EIF4G3: variants seen among roughly 807,000 people sequenced by gnomAD.
EIF4G3 encodes the protein eIF-4-gamma 3.
In EIF4G3, 34 loss-of-function variants were observed where a neutral mutation model predicts 186.4. That is an observed-to-expected ratio of 0.18 (90% CI 0.14 to 0.24). The LOEUF is 0.24. EIF4G3 is among the 10% of genes least tolerant of loss of function. The probability of loss-of-function intolerance (pLI) is 1.00; values close to 1 mark genes in which losing one functional copy is unlikely to be tolerated. For synonymous variants in EIF4G3, 673 were observed against 679.5 expected, an observed-to-expected ratio of 0.99 and a Z score of 0.15; for missense variants, 1,536 against 1,948.5, an observed-to-expected ratio of 0.79 and a Z score of 3.99.
chr1:20,811,021 C>T (rs2059130223), intron 35 of EIF4G3, 137 bp from the exon 36 acceptor site: 1 of 757,392 alleles, frequency 1.3e-6, no homozygotes, highest in African/African-American at 1.8e-5. Flanking sequence ...ACAATCTAAG[C>T]TCACTGCAAC....
chr1:20,993,944 T>C (rs762437215), intron 7 of EIF4G3, among the ~76,000 whole-genome samples: 1 of 152,238 alleles, frequency 6.6e-6, no homozygotes, highest in Non-Finnish European at 1.5e-5. Flanking sequence ...TGTAAATCTT[T>C]CAGGGTTTAG....
chr1:21,079,866 C>T (rs2095710993), intron 3 of EIF4G3, among the ~76,000 whole-genome samples: 1 of 151,498 alleles, frequency 6.6e-6, no homozygotes, highest in South Asian at 2.1e-4. Context: ...ATTAGCCAGG[C>T]ATGGCCCGGG....
At chr1:20,949,968 A>G (rs1288887926) in intron 13 of EIF4G3, 35 bp downstream of exon 13, 3 of 1,541,296 alleles carry the variant, frequency 1.9e-6, no homozygotes, top group Non-Finnish European at 2.7e-6. Context: ...AAAAGAGACT[A>G]AAGATAAGAG....
intron 2 of EIF4G3, among the ~76,000 whole-genome samples, chr1:21,115,488 T>G (rs2096800858): frequency 6.6e-6 from 1 of 152,192 alleles, no homozygotes; most frequent in Non-Finnish European, 1.5e-5. Flanking sequence ...TGCCAAAAGC[T>G]TTGCTTCATT....
intron 2 of EIF4G3, among the ~76,000 whole-genome samples, chr1:21,168,516 G>A (rs376701183): frequency 3.9e-5 from 6 of 151,938 alleles, no homozygotes; most frequent in African/African-American, 9.7e-5. Flanking sequence ...TTGACCTCCC[G>A]GGCTCAAGCA....
chr1:20,892,771 C>CTG, intron 18 of EIF4G3: 22 of 1,324,570 alleles, frequency 1.7e-5, no homozygotes, highest in Non-Finnish European at 2.2e-5. Context: ...AGCTGAATGT[C>CTG]ATCAGAGATC....
intron 4 of EIF4G3, among the ~76,000 whole-genome samples, chr1:21,018,137 A>G (rs1434398929): frequency 1.3e-5 from 2 of 152,004 alleles, no homozygotes; most frequent in African/African-American, 4.8e-5. Context: ...ATAGAGACAC[A>G]TTCTTGCTAT....
chr1:21,143,197 C>T (rs972611436), intron 2 of EIF4G3, among the ~76,000 whole-genome samples: 1 of 151,222 alleles, frequency 6.6e-6, no homozygotes, highest in African/African-American at 2.4e-5. Flanking sequence ...TGCAGTGAGC[C>T]GATATTGCGC....
At chr1:21,154,310 AT>A (rs550056905) in intron 2 of EIF4G3, among the ~76,000 whole-genome samples, 4 of 152,010 alleles carry the variant, frequency 2.6e-5, no homozygotes, top group Admixed American at 6.6e-5. Context: ...TCAAGGGCGT[AT>A]TTTTTTTAAT....
At position 20,973,342 on chromosome 1, in the gene EIF4G3, G is replaced by A. The variant is rs114968157; in HGVS notation, c.494-243C>T. Among the ~76,000 whole-genome samples the A allele has an allele frequency of 3.4e-3, 516 of 151,832 alleles. 1 individual carries two copies. The highest frequency in any genetic ancestry group is 0.012 in the African/African-American group (490 of 41,392). ...CCAATATGAAAACCACTAAATACTC[G>A]GTTCCTACAGATCCACACCACAGTT... On this transcript the variant is annotated intron_variant, in intron 10 of 36. Transcript: ENST00000602326.
At chr1:21,041,797 T>G (rs1007090739) in intron 4 of EIF4G3, among the ~76,000 whole-genome samples, 7 of 152,144 alleles carry the variant, frequency 4.6e-5, no homozygotes, top group African/African-American at 1.7e-4. Flanking sequence ...TTAGATAGCT[T>G]GAGAGTTCAT....
chr1:20,890,423 C>T (rs921399918), intron 18 of EIF4G3, among the ~76,000 whole-genome samples: 2 of 151,996 alleles, frequency 1.3e-5, no homozygotes, highest in African/African-American at 4.8e-5. Flanking sequence ...AGGGCTGTTG[C>T]TTTTTTCCAA....
At chr1:21,174,317 CCTT>C in intron 2 of EIF4G3, among the ~76,000 whole-genome samples, 1 of 152,158 alleles carries the variant, frequency 6.6e-6, no homozygotes, top group Non-Finnish European at 1.5e-5. Context: ...TTTTATAAGT[CCTT>C]CTATGAAATG....
chr1:20,833,545 G>T (rs917747568), intron 30 of EIF4G3, among the ~76,000 whole-genome samples: 1 of 152,076 alleles, frequency 6.6e-6, no homozygotes, highest in Admixed American at 6.6e-5. Flanking sequence ...CAATCATGTC[G>T]TCTGCAAACA....
intron 2 of EIF4G3, among the ~76,000 whole-genome samples, chr1:21,155,067 A>G (rs1405627833): frequency 6.6e-6 from 1 of 152,046 alleles, no homozygotes; most frequent in Admixed American, 6.6e-5. Context: ...GTTCAAGACC[A>G]GCCTGGCCAA....
intron 4 of EIF4G3, among the ~76,000 whole-genome samples, chr1:21,016,410 G>C (rs968942534): frequency 6.6e-6 from 1 of 152,172 alleles, no homozygotes; most frequent in Non-Finnish European, 1.5e-5. Context: ...TTGTGGCCAG[G>C]TGTGGTGGCT....
intron 4 of EIF4G3, among the ~76,000 whole-genome samples, chr1:21,006,632 C>T (rs1030997182): frequency 7.9e-5 from 12 of 152,260 alleles, no homozygotes; most frequent in African/African-American, 2.9e-4. Flanking sequence ...AATAATGTTA[C>T]TGAAGAAAAG....
chr1:20,993,251 A>G (rs138196657), intron 7 of EIF4G3, among the ~76,000 whole-genome samples: 8 of 152,302 alleles, frequency 5.3e-5, no homozygotes, highest in Non-Finnish European at 7.4e-5. Context: ...AGCCCTCCAA[A>G]CAGAGTTAAA....
chr1:21,066,269 C>A (rs2095237248), intron 3 of EIF4G3, among the ~76,000 whole-genome samples: 1 of 146,280 alleles, frequency 6.8e-6, no homozygotes, highest in African/African-American at 2.5e-5. Flanking sequence ...CCTGCAGCCT[C>A]ATCAGACTCA....
Sources: allele counts gnomAD v4.1 joint callset (sites outside exome capture counted in the v4.1 genomes callset), GRCh38; gene constraint gnomAD v4.1.1; transcripts MANE v1.5; gene names NCBI Gene and HGNC (gene_info 2026-07-23, HGNC 2026-07-21).